PTP4A1: variants seen among roughly 807,000 people sequenced by gnomAD.
PTP4A1 encodes the protein protein tyrosine phosphatase type IVA 1.
In PTP4A1, 9 loss-of-function variants were observed where a neutral mutation model predicts 20.5. The observed-to-expected ratio is 0.44, with a 90% confidence interval of 0.26 to 0.77. PTP4A1 has a LOEUF of 0.77. PTP4A1 is among the 30% of genes least tolerant of loss of function. PTP4A1 has a pLI of 0.19. For missense variants in PTP4A1, 137 were observed against 218.8 expected (o/e 0.63, Z 2.36); for synonymous variants, 78 against 67.4 (o/e 1.16, Z -0.77).
chr6:63,557,863 T>C (rs1776755887), intron 3 of PTP4A1, among the ~76,000 whole-genome samples: 1 of 152,100 alleles, frequency 6.6e-6, no homozygotes, highest in Non-Finnish European at 1.5e-5. Flanking sequence ...CAAGATCAGA[T>C]ATGCATTTTT....
chr6:63,556,881 C>T (rs2149493237), intron 3 of PTP4A1, among the ~76,000 whole-genome samples: 1 of 152,198 alleles, frequency 6.6e-6, no homozygotes, highest in East Asian at 1.9e-4. Context: ...CAAGATAAAC[C>T]CATCTATTAT....
intron 4 of PTP4A1, 26 bp from the exon 5 acceptor site, chr6:63,579,231 A>G (rs767847816): frequency 1.9e-6 from 3 of 1,571,972 alleles, no homozygotes; most frequent in Non-Finnish European, 2.6e-6. Context: ...TGAAAAAACT[A>G]TTTATCAAAA....
intron 2 of PTP4A1, among the ~76,000 whole-genome samples, chr6:63,531,108 G>T (rs1775439087): frequency 6.6e-6 from 1 of 152,180 alleles, no homozygotes; most frequent in Non-Finnish European, 1.5e-5. Context: ...TTCAAGCACA[G>T]TTCCCTCAGT....
At chr6:63,524,118 G>T (rs922340126) in intron 1 of PTP4A1, among the ~76,000 whole-genome samples, 4 of 151,954 alleles carry the variant, frequency 2.6e-5, no homozygotes, top group African/African-American at 9.7e-5. Flanking sequence ...CTAAGTAGCT[G>T]GGACTACAGG....
chr6:63,534,092 C>G (rs2758242), intron 2 of PTP4A1, among the ~76,000 whole-genome samples: 76,720 of 151,818 alleles, frequency 0.51, 20,340 homozygotes, highest in African/African-American at 0.67. Context: ...ATCTGCCCAC[C>G]TTGACCTATC....
At chr6:63,518,154 CAAAAAA>C (rs60368385), upstream of PTP4A1, among the ~76,000 whole-genome samples, 2 of 62,106 alleles carry the variant, frequency 3.2e-5, no homozygotes, top group African/African-American at 4.9e-5. Context: ...ACTCCGTCTC[CAAAAAA>C]AAAAAAAAAA....
intron 2 of PTP4A1, among the ~76,000 whole-genome samples, chr6:63,538,767 C>T (rs2149482238): frequency 6.6e-6 from 1 of 152,296 alleles, no homozygotes; most frequent in South Asian, 2.1e-4. Flanking sequence ...ATGGGCCCCA[C>T]CTCCAGAGTT....
chr6:63,547,997 A>T (rs994180040), intron 2 of PTP4A1, among the ~76,000 whole-genome samples: 6 of 152,104 alleles, frequency 3.9e-5, no homozygotes. Flanking sequence ...ATTCTTTCAC[A>T]ATCAGGAACT....
At chr6:63,555,467 A>G (rs1776638507) in intron 3 of PTP4A1, among the ~76,000 whole-genome samples, 1 of 152,188 alleles carries the variant, frequency 6.6e-6, no homozygotes, top group African/African-American at 2.4e-5. Context: ...ATTTGTATAA[A>G]TGGCAGGAGG....
upstream of PTP4A1, among the ~76,000 whole-genome samples, chr6:63,569,822 G>C (rs1777344440): frequency 6.6e-6 from 1 of 152,166 alleles, no homozygotes; most frequent in African/African-American, 2.4e-5. Flanking sequence ...CTATTTTCAA[G>C]TCTGTTAGAG....
intron 2 of PTP4A1, among the ~76,000 whole-genome samples, chr6:63,531,173 C>T (rs569324346): frequency 3.7e-4 from 56 of 152,272 alleles, no homozygotes; most frequent in African/African-American, 1.3e-3. Context: ...ATCAAGATAA[C>T]TGCAAGCAAT....
intron 3 of PTP4A1, among the ~76,000 whole-genome samples, chr6:63,555,274 G>T (rs892304836): frequency 9.9e-5 from 15 of 152,162 alleles, no homozygotes; most frequent in Admixed American, 4.6e-4. Flanking sequence ...AACATTAGAG[G>T]ATTGAGTCAG....
intron 3 of PTP4A1, among the ~76,000 whole-genome samples, chr6:63,550,672 T>C (rs1040649808): frequency 6.6e-6 from 1 of 152,170 alleles, no homozygotes; most frequent in Non-Finnish European, 1.5e-5. Flanking sequence ...TTGCCCAGGC[T>C]GGAGTGCAGT....
At chr6:63,519,819 A>G (rs188052661), upstream of PTP4A1, among the ~76,000 whole-genome samples, 36 of 152,336 alleles carry the variant, frequency 2.4e-4, 1 homozygote, top group African/African-American at 6.0e-4. Context: ...GCAATATAGA[A>G]TTTTAGCTCC....
At chr6:63,567,174 T>C (rs963601949) in intron 3 of PTP4A1, among the ~76,000 whole-genome samples, 4 of 152,270 alleles carry the variant, frequency 2.6e-5, no homozygotes, top group Admixed American at 1.3e-4. Flanking sequence ...CTGTTCATGC[T>C]GATACTTTTA....
At chr6:63,524,906 C>A (rs1448820400) in intron 1 of PTP4A1, among the ~76,000 whole-genome samples, 1 of 152,074 alleles carries the variant, frequency 6.6e-6, no homozygotes. Context: ...TTTGAAGATA[C>A]CTCAGAGGCA....
At chr6:63,539,752 A>G (rs1163806029) in intron 2 of PTP4A1, among the ~76,000 whole-genome samples, 1 of 151,038 alleles carries the variant, frequency 6.6e-6, no homozygotes, top group Non-Finnish European at 1.5e-5. Flanking sequence ...CTGGCAACAG[A>G]GTGAGACTCT....
At chr6:63,521,246 A>G (rs1182710963), upstream of PTP4A1, among the ~76,000 whole-genome samples, 1 of 152,232 alleles carries the variant, frequency 6.6e-6, no homozygotes, top group Non-Finnish European at 1.5e-5. Flanking sequence ...AAAAAAAATA[A>G]AACTGAGCAA....
At chr6:63,548,187 C>T (rs1776286724) in intron 2 of PTP4A1, among the ~76,000 whole-genome samples, 1 of 152,152 alleles carries the variant, frequency 6.6e-6, no homozygotes, top group African/African-American at 2.4e-5. Context: ...TTTATTTTCC[C>T]TACTATAACA....
Sources: gnomAD v4.1 joint callset for allele counts (sites outside exome capture counted in the v4.1 genomes callset) on GRCh38, gnomAD v4.1.1 for gene constraint, MANE v1.5 for transcripts, NCBI Gene and HGNC (gene_info 2026-07-23, HGNC 2026-07-21) for gene names.